The following TBC1D8B variants were observed in gnomAD, a reference collection of about 807,000 sequenced individuals.
TBC1D8B encodes RP11-321G1.1.
In TBC1D8B, 75 loss-of-function variants were observed where a neutral mutation model predicts 82.9. The observed-to-expected ratio is 0.90, with a 90% CI of 0.75 to 1.10. The LOEUF is 1.10. TBC1D8B is among the 50% of genes least tolerant of loss of function. The pLI is 0.00. For missense variants in TBC1D8B, 794 were observed against 796.9 expected, an observed-to-expected ratio of 1.00 and a Z score of 0.04; for synonymous variants, 276 against 276.8, an observed-to-expected ratio of 1.00 and a Z score of 0.03.
At chrX:106,815,844 T>C (rs1333489278) in intron 1 of TBC1D8B, 1 of 111,712 alleles carries the variant, frequency 9.0e-6, no homozygotes, top group Non-Finnish European at 1.9e-5. Context: ...GAAAAGGCCT[T>C]TGACAAAATT....
intron 3 of TBC1D8B, among the ~76,000 whole-genome samples, chrX:106,821,752 T>C (rs1394546974): frequency 8.9e-6 from 1 of 111,909 alleles, no homozygotes; most frequent in African/African-American, 3.2e-5. Context: ...TTGAGTGGAC[T>C]CTGCATAGTC....
At chrX:106,823,618 T>G in intron 5 of TBC1D8B, 152 bp downstream of exon 5, 1 of 493,247 alleles carries the variant, frequency 2.0e-6, no homozygotes, top group Non-Finnish European at 3.2e-6. Flanking sequence ...TGTGAGTTTA[T>G]TCATATGCAT....
In TBC1D8B at chrX:106,860,340, GGTGTGTGTGTGT is replaced by G. The variant is rs3078333; in HGVS notation, c.2353-5184_2353-5173del. Among the ~76,000 whole-genome samples the G allele has an allele frequency of 7.7e-4, 64 of 82,788 alleles. 1 individual carries two copies. Among genetic ancestry groups the G allele is most frequent in the African/African-American group, 2.4e-3 (55 of 23,307 alleles). The allele number at this position is 82,788 out of a possible 115,157, so 71.9% of individuals were successfully genotyped here. A position where few individuals can be genotyped will look rare whatever the true frequency, so the allele number is the denominator to read the frequency against. The stretch of plus-strand genomic sequence containing the variant: ...ATCTGGTACTGGGCTTTTTATGATT[GGTGTGTGTGTGT>G]GTGTGTGTGTGTGTGTGTGTGTGTG... On this transcript the variant is annotated intron_variant, in intron 14 of 20. Transcript: ENST00000357242.
At chrX:106,808,558 T>G (rs917429800) in intron 1 of TBC1D8B, among the ~76,000 whole-genome samples, 10 of 112,271 alleles carry the variant, frequency 8.9e-5, no homozygotes, top group African/African-American at 2.9e-4. Flanking sequence ...ATTGAAGAAT[T>G]TGGGCATGAT....
At chrX:106,820,185 T>C (rs773241764) in intron 2 of TBC1D8B, among the ~76,000 whole-genome samples, 4 of 111,050 alleles carry the variant, frequency 3.6e-5, no homozygotes, top group Non-Finnish European at 5.7e-5. Context: ...TAGGAAGAGA[T>C]TGATAGATAC....
intron 19 of TBC1D8B, among the ~76,000 whole-genome samples, chrX:106,870,397 A>G (rs912540780): frequency 1.8e-5 from 2 of 112,192 alleles, no homozygotes. Context: ...AATAGTATAC[A>G]TGAGAATGAC....
At chrX:106,809,865 CA>C (rs1569448494) in intron 1 of TBC1D8B, among the ~76,000 whole-genome samples, 2 of 73,809 alleles carry the variant, frequency 2.7e-5, no homozygotes, top group African/African-American at 5.7e-5. Flanking sequence ...GCCTGGGTAA[CA>C]AGAGTGAGAC....
chrX:106,852,503 T>C (rs1288354085), intron 12 of TBC1D8B, among the ~76,000 whole-genome samples: 1 of 112,074 alleles, frequency 8.9e-6, no homozygotes, highest in Non-Finnish European at 1.9e-5. Flanking sequence ...GCCTATGTCC[T>C]GAATGGTATT....
At chrX:106,825,566 T>C (rs1378518613) in intron 5 of TBC1D8B, among the ~76,000 whole-genome samples, 1 of 111,466 alleles carries the variant, frequency 9.0e-6, no homozygotes, top group Non-Finnish European at 1.9e-5. Flanking sequence ...TTTAATATCG[T>C]CTTTAATAGA....
chrX:106,826,961 A>G (rs757305805), intron 6 of TBC1D8B, among the ~76,000 whole-genome samples: 21 of 111,436 alleles, frequency 1.9e-4, no homozygotes, highest in African/African-American at 5.2e-4. Context: ...TTTAAAGGAT[A>G]CATGTTAGAC....
intron 1 of TBC1D8B, among the ~76,000 whole-genome samples, chrX:106,807,021 A>G (rs978264258): frequency 9.0e-5 from 10 of 111,049 alleles, no homozygotes; most frequent in African/African-American, 3.3e-4. Context: ...CTCACCCCAG[A>G]CTCAAGGAGT....
intron 10 of TBC1D8B, among the ~76,000 whole-genome samples, chrX:106,847,304 A>T (rs1932479505): frequency 9.0e-6 from 1 of 111,646 alleles, no homozygotes; most frequent in Non-Finnish European, 1.9e-5. Context: ...GTGGCATTGA[A>T]TATTACTATA....
intron 1 of TBC1D8B, among the ~76,000 whole-genome samples, chrX:106,817,739 T>C (rs1032329399): frequency 9.0e-6 from 1 of 110,997 alleles, no homozygotes; most frequent in Non-Finnish European, 1.9e-5. Flanking sequence ...TCAGAGAAAA[T>C]GGAAAGTATT....
intron 17 of TBC1D8B, 71 bp downstream of exon 17, chrX:106,866,933 T>C: frequency 2.5e-6 from 2 of 804,688 alleles, no homozygotes; most frequent in East Asian, 3.4e-5. Flanking sequence ...AATTACAGAT[T>C]TTTTTAACAA....
chrX:106,839,352 G>A lies in TBC1D8B; in HGVS notation c.1248G>A (p.Glu416=). 8.4e-7 allele frequency: 1 copy of A among 1,185,921 alleles called. No homozygotes were observed. Among genetic ancestry groups the A allele is most frequent in the Non-Finnish European group, 1.1e-6 (1 of 881,813 alleles). Residue 416 remains glutamate (E), a synonymous_variant, in exon 8 of 21, where the codon GAG becomes GAA. Transcript: ENST00000357242. ...CTACAGAGCCATCTGATAATTTTGA[G>A]GTGCAATCTTTGACAAGTCAGAGGG... ...SESTEPSDNF[E]VQSLTSQREC...
chrX:106,857,192 G>A (rs924984140), intron 14 of TBC1D8B, among the ~76,000 whole-genome samples: 19 of 110,720 alleles, frequency 1.7e-4, no homozygotes, highest in East Asian at 2.8e-4. Context: ...TCTCACTGTC[G>A]CCCAGGCTGG....
At chrX:106,851,240 A>C (rs1365147312) in intron 12 of TBC1D8B, among the ~76,000 whole-genome samples, 1 of 111,790 alleles carries the variant, frequency 8.9e-6, no homozygotes, top group Non-Finnish European at 1.9e-5. Context: ...AAATACAAAA[A>C]TTAGCCAGGC....
intron 1 of TBC1D8B, among the ~76,000 whole-genome samples, chrX:106,810,776 C>G (rs763984066): frequency 9.0e-6 from 1 of 111,642 alleles, no homozygotes; most frequent in Admixed American, 9.5e-5. Context: ...ACTGTGTGCT[C>G]CCCTCCCTCC....
At chrX:106,844,448 T>A (rs1460243871) in intron 10 of TBC1D8B, among the ~76,000 whole-genome samples, 2 of 106,393 alleles carry the variant, frequency 1.9e-5, no homozygotes, top group Non-Finnish European at 3.9e-5. Flanking sequence ...TTTTTCTGTG[T>A]CAATTGAGAT....
Sources: gnomAD v4.1 joint callset for allele counts (sites outside exome capture counted in the v4.1 genomes callset) on GRCh38, gnomAD v4.1.1 for gene constraint, MANE v1.5 for transcripts, NCBI Gene and HGNC (gene_info 2026-07-23, HGNC 2026-07-21) for gene names.